Variants in RASGEF1C observed in about 807,000 individuals in gnomAD.
The protein encoded by RASGEF1C is ras-GEF domain-containing family member 1C.
RASGEF1C carries 27 observed loss-of-function variants against 58.1 expected under a neutral mutation model. The observed-to-expected ratio is 0.46, with a 90% CI of 0.34 to 0.64. RASGEF1C has a LOEUF of 0.64. RASGEF1C is among the 30% of genes least tolerant of loss of function. The pLI, the probability that RASGEF1C is intolerant of heterozygous loss-of-function variation, is 0.01. For missense variants in RASGEF1C, 502 were observed against 605.1 expected (o/e 0.83, Z 1.79); for synonymous variants, 243 against 246.3 (o/e 0.99, Z 0.13).
intron 11 of RASGEF1C, 68 bp downstream of exon 11, chr5:180,114,378 C>T: frequency 5.4e-6 from 8 of 1,477,334 alleles, no homozygotes; most frequent in Non-Finnish European, 4.7e-6. Flanking sequence ...GTCCAAGGGC[C>T]AGTGGTCCTG....
At chr5:180,208,102 T>G (rs1484418769) in intron 1 of RASGEF1C, among the ~76,000 whole-genome samples, 11 of 152,084 alleles carry the variant, frequency 7.2e-5, no homozygotes, top group Non-Finnish European at 1.5e-4. Flanking sequence ...GCCTGCACAG[T>G]GGCTGCACTA....
chr5:180,185,152 T>C lies in RASGEF1C; in HGVS notation c.-7+23876A>G, dbSNP rs1454548515. The stretch of plus-strand genomic sequence containing the variant: ...CTAAAAATACAAAAAATTAGCCGGG[T>C]GTAGTGGCGGGCACCTGTAGTCCCA... On this transcript the variant is annotated intron_variant, in intron 1 of 13. Coordinates refer to ENST00000361132, the MANE Select transcript of RASGEF1C (RefSeq NM_175062.4). Among the ~76,000 whole-genome samples, 3 of 149,824 alleles carry C rather than the reference T, an allele frequency of 2.0e-5. No homozygotes were observed. The East Asian group carries it at 5.9e-4, about 30-fold the overall frequency.
chr5:180,152,498 G>A (rs967091673), intron 1 of RASGEF1C, among the ~76,000 whole-genome samples: 14 of 146,962 alleles, frequency 9.5e-5, no homozygotes, highest in African/African-American at 2.8e-4. Flanking sequence ...TCACTCATAG[G>A]TGGGAATTGA....
At chr5:180,154,322 G>C (rs1766818165) in intron 1 of RASGEF1C, among the ~76,000 whole-genome samples, 1 of 152,160 alleles carries the variant, frequency 6.6e-6, no homozygotes, top group African/African-American at 2.4e-5. Flanking sequence ...ACTCAGCACT[G>C]TTTCCAAGGC....
chr5:180,136,063 A>C (rs1299792448), intron 4 of RASGEF1C, among the ~76,000 whole-genome samples: 1 of 152,196 alleles, frequency 6.6e-6, no homozygotes, highest in Non-Finnish European at 1.5e-5. Context: ...GGCCCAGGAC[A>C]GGGCTCTGCC....
chr5:180,184,327 C>T (rs1755987767), intron 1 of RASGEF1C, among the ~76,000 whole-genome samples: 1 of 152,164 alleles, frequency 6.6e-6, no homozygotes, highest in Admixed American at 6.5e-5. Context: ...GTAATCCCAG[C>T]ACTTTGGGAG....
At chr5:180,122,797 A>G (rs1388011560) in intron 6 of RASGEF1C, among the ~76,000 whole-genome samples, 1 of 151,642 alleles carries the variant, frequency 6.6e-6, no homozygotes. Context: ...TCCCCAAAAA[A>G]CTGCCAGGGT....
In RASGEF1C at chr5:180,155,536, C is replaced by T. The variant is rs974839182; in HGVS notation, c.-6-17478G>A. On this transcript the variant is annotated intron_variant, in intron 1 of 13. Transcript: ENST00000361132. The surrounding 1 kb of genome is among the most constrained non-coding windows in gnomAD (Gnocchi z 5.2). ...TGGCCTTCAACTCCTGCTGACAGAT[C>T]CCGCTGTCTCCCTCAGGAAGCTCTT... is the stretch of plus-strand genomic sequence containing the variant. Among the ~76,000 whole-genome samples, 4 of 152,118 alleles carry T rather than the reference C, an allele frequency of 2.6e-5. No homozygotes were observed. The highest frequency in any genetic ancestry group is 4.8e-5 in the African/African-American group (2 of 41,422).
chr5:180,163,617 C>A (rs1482300666), intron 1 of RASGEF1C, among the ~76,000 whole-genome samples: 1 of 152,038 alleles, frequency 6.6e-6, no homozygotes, highest in Non-Finnish European at 1.5e-5. Context: ...CCAGGATAAA[C>A]CCCACTTGGT....
At position 180,204,008 on chromosome 5, in the gene RASGEF1C, AAACAAC is replaced by A. The variant is rs57771575; in HGVS notation, c.-7+5014_-7+5019del. Among the ~76,000 whole-genome samples, 22 of 140,842 alleles carry A rather than the reference AAACAAC, an allele frequency of 1.6e-4. 1 individual carries two copies. Among genetic ancestry groups the A allele is most frequent in the Non-Finnish European group, 3.2e-5 (2 of 62,886 alleles). 92.4% of individuals were successfully genotyped at this position (140,842 alleles called of 152,430 possible). A position where few individuals can be genotyped will look rare whatever the true frequency, so the allele number is the denominator to read the frequency against. On this transcript the variant is annotated intron_variant, in intron 1 of 13. Transcript: ENST00000361132. ...ACTCTGTCTCAAAAAACAAACAAAC[AAACAAC>A]AACAACAACAACAACAAAGTGAAAT...
At chr5:180,126,182 C>T (rs1350238231) in intron 6 of RASGEF1C, among the ~76,000 whole-genome samples, 1 of 152,170 alleles carries the variant, frequency 6.6e-6, no homozygotes, top group Non-Finnish European at 1.5e-5. Flanking sequence ...CCGAGGCGGG[C>T]AGATCACAAG....
At chr5:180,147,382 A>G (rs1172187679) in intron 1 of RASGEF1C, among the ~76,000 whole-genome samples, 1 of 150,916 alleles carries the variant, frequency 6.6e-6, no homozygotes, top group African/African-American at 2.4e-5. Flanking sequence ...AGCTCTTTAC[A>G]TTGTACAATT....
intron 12 of RASGEF1C, among the ~76,000 whole-genome samples, chr5:180,104,072 T>G (rs1162252254): frequency 6.6e-6 from 1 of 152,210 alleles, no homozygotes; most frequent in African/African-American, 2.4e-5. Flanking sequence ...GAACTCTATT[T>G]GCTTATTTTG....
intron 1 of RASGEF1C, among the ~76,000 whole-genome samples, chr5:180,195,825 C>T (rs1309921400): frequency 2.0e-5 from 3 of 152,038 alleles, no homozygotes; most frequent in Non-Finnish European, 4.4e-5. Context: ...GCCCGCCGTC[C>T]GGTGAGGCAG....
chr5:180,130,937 C>T (rs1038152874), intron 4 of RASGEF1C, among the ~76,000 whole-genome samples: 17 of 152,124 alleles, frequency 1.1e-4, no homozygotes, highest in Non-Finnish European at 1.8e-4. Flanking sequence ...TGGTGGATAG[C>T]GCGTCGGCCA....
At chr5:180,112,578 T>C (rs907785473) in intron 11 of RASGEF1C, among the ~76,000 whole-genome samples, 6 of 152,160 alleles carry the variant, frequency 3.9e-5, no homozygotes, top group Admixed American at 2.6e-4. Context: ...GGGTGGGGCC[T>C]CGCACCCACT....
rs138437934 is a variant in RASGEF1C at position 180,183,890 on chromosome 5, G to A, written c.-7+25138C>T. ...TTTCAGATCAAATAAATAAACAGCCGGCCGGGTGTGATGGCTCATGCCTAT... is the reference window on the plus strand; with the variant it reads ...TTTCAGATCAAATAAATAAACAGCCAGCCGGGTGTGATGGCTCATGCCTAT... On this transcript the variant is annotated intron_variant, in intron 1 of 13. Transcript: ENST00000361132. Among the ~76,000 whole-genome samples the A allele has an allele frequency of 1.9e-3, 288 of 151,982 alleles. 2 individuals are homozygous for A. The highest frequency in any genetic ancestry group is 3.5e-3 in the Non-Finnish European group (241 of 67,974).
Position 180,197,797 on chromosome 5 carries a change from A to AAATCCAG in RASGEF1C, c.-7+11230_-7+11231insCTGGATT, listed in dbSNP as rs1756306519. Reference sequence around the variant, plus strand: ...TTATTTAGCCAGATTGGCACTTTTGAACACTGTCTGGATTTTAAAACAAAC... The same window carrying AAATCCAG: ...TTATTTAGCCAGATTGGCACTTTTGAAATCCAGACACTGTCTGGATTTTAAAACAAAC... On this transcript the variant is annotated intron_variant, in intron 1 of 13. Transcript: ENST00000361132. The surrounding 1 kb of genome is among the most constrained non-coding windows in gnomAD (Gnocchi z 4.7). Among the ~76,000 whole-genome samples, 9 of 152,162 alleles carry AAATCCAG rather than the reference A, an allele frequency of 5.9e-5. No homozygotes were observed. The highest frequency in any genetic ancestry group is 2.6e-4 in the Admixed American group (4 of 15,282).
At chr5:180,128,678 G>GCAGC in intron 4 of RASGEF1C, 68 bp from the exon 5 acceptor site, 3 of 1,487,196 alleles carry the variant, frequency 2.0e-6, no homozygotes, top group Non-Finnish European at 2.8e-6. Context: ...CTGGAACCAG[G>GCAGC]CAGCCACCTG....
Sources: allele counts gnomAD v4.1 joint callset (sites outside exome capture counted in the v4.1 genomes callset), GRCh38; gene constraint gnomAD v4.1.1; non-coding constraint Gnocchi (gnomAD v3.1); transcripts MANE v1.5; gene names NCBI Gene and HGNC (gene_info 2026-07-23, HGNC 2026-07-21).